The following FAP variants were observed in gnomAD, a reference collection of about 807,000 sequenced individuals.
FAP encodes the protein fibroblast activation protein alpha.
Under a neutral mutation model 126.5 loss-of-function variants are expected in FAP, and 110 were observed. The ratio of observed to expected loss-of-function variants is 0.87; its 90% CI spans 0.74 to 1.02. FAP has a LOEUF of 1.02. Among genes scored for constraint, FAP ranks in the 50% least tolerant of loss-of-function variants. The pLI is 0.00. For missense variants in FAP, 919 were observed against 909.2 expected (o/e 1.01, Z -0.14); for synonymous variants, 334 against 297.3 (o/e 1.12, Z -1.27).
intron 22 of FAP, 88 bp from the exon 23 acceptor site, chr2:162,173,875 C>A: frequency 1.1e-6 from 1 of 902,928 alleles, no homozygotes; most frequent in Non-Finnish European, 1.8e-6. Flanking sequence ...ATAACTGTTT[C>A]TCAATTTTCC....
chr2:162,194,332 GAA>G (rs113792808), intron 17 of FAP, among the ~76,000 whole-genome samples: 50 of 98,464 alleles, frequency 5.1e-4, no homozygotes, highest in African/African-American at 1.5e-3. Context: ...AATCCCTGAG[GAA>G]AAAAAAAAAA....
chr2:162,242,087 AT>A (rs1209823465), intron 2 of FAP, among the ~76,000 whole-genome samples: 2 of 151,942 alleles, frequency 1.3e-5, no homozygotes, highest in African/African-American at 4.8e-5. Flanking sequence ...ATTAGTACAA[AT>A]TTTTCCCCTT....
At chr2:162,229,179 C>T (rs1689788673) in intron 2 of FAP, among the ~76,000 whole-genome samples, 1 of 152,080 alleles carries the variant, frequency 6.6e-6, no homozygotes, top group African/African-American at 2.4e-5. Context: ...TTAATTAAGA[C>T]ATTTATAGCT....
In FAP at chr2:162,188,264, A is replaced by G. The variant is rs752001671; in HGVS notation, c.1719T>C (p.Asp573=). 8.7e-6 allele frequency: 14 copies of G among 1,613,226 alleles called. No individual in the cohort carries two copies. The Middle Eastern group carries it at 1.2e-3, about 133-fold the overall frequency. Residue 573 remains aspartate (D), a synonymous_variant, in exon 20 of 26, where the codon GAT becomes GAC. Coordinates refer to ENST00000188790, the MANE Select transcript of FAP (RefSeq NM_004460.5). ...SKEGMVIALV[D]GRGTAFQGDK... ...CACCTTGGAAAGCTGTTCCTCGACC[A>G]TCCACCAAGGCAATGACCATCCCTT...
chr2:162,200,236 A>G (rs1688442529), intron 15 of FAP, among the ~76,000 whole-genome samples: 1 of 152,218 alleles, frequency 6.6e-6, no homozygotes, highest in Non-Finnish European at 1.5e-5. Flanking sequence ...CCTGGTTCAT[A>G]CTAGGTACTC....
At position 162,189,111 on chromosome 2, in the gene FAP, T is replaced by C. The variant is rs1472295979; in HGVS notation, c.1611A>G (p.Leu537=). The part of the protein sequence containing the change: ...QFDRSKKYPL[L]IQVYGGPCSQ... ...AAGAAAATATTACATACACTTGAAT[T>C]AGCAAGGGATACTTCTTTGATCTGT... is the stretch of plus-strand genomic sequence containing the variant. Residue 537 remains leucine (L), a synonymous_variant, in exon 19 of 26, where the codon CTA becomes CTG. Coordinates refer to ENST00000188790, the MANE Select transcript of FAP (RefSeq NM_004460.5). 1.3e-6 allele frequency: 2 copies of C among 1,589,692 alleles called. No individual in the cohort carries two copies. Among genetic ancestry groups the C allele is most frequent in the Non-Finnish European group, 8.6e-7 (1 of 1,162,258 alleles).
chr2:162,178,265 C>T (rs754095544), intron 21 of FAP, among the ~76,000 whole-genome samples: 1 of 152,312 alleles, frequency 6.6e-6, no homozygotes, highest in South Asian at 2.1e-4. Flanking sequence ...AGAAATGAGG[C>T]TGTTATTCTA....
At chr2:162,226,803 T>C (rs1689673102) in intron 2 of FAP, among the ~76,000 whole-genome samples, 182 bp from the exon 3 acceptor site, 1 of 152,156 alleles carries the variant, frequency 6.6e-6, no homozygotes, top group South Asian at 2.1e-4. Flanking sequence ...TTTTTGTAGA[T>C]ACAGTAATTA....
chr2:162,188,433 G>A (rs1438936630), intron 19 of FAP, 70 bp from the exon 20 acceptor site: 19 of 1,328,114 alleles, frequency 1.4e-5, no homozygotes, highest in Non-Finnish European at 1.9e-5. Context: ...TCCTGGCCAA[G>A]CATTGCTTCT....
chr2:162,183,333 G>A, intron 21 of FAP, 81 bp downstream of exon 21: 3 of 1,059,514 alleles, frequency 2.8e-6, no homozygotes, highest in Middle Eastern at 2.0e-4. Context: ...AACATTTCAT[G>A]AGAAACCTTC....
At position 162,203,040 on chromosome 2, in the gene FAP, C is replaced by A. The variant is rs777856285; in HGVS notation, c.1152+1G>T. The A allele has an allele frequency of 6.2e-7, 1 of 1,609,384 alleles. No homozygotes were observed. The highest frequency in any genetic ancestry group is 8.5e-7 in the Non-Finnish European group (1 of 1,175,812). On this transcript the variant is annotated splice_donor_variant, in intron 13 of 25. Transcript: ENST00000188790. LOFTEE classifies it high-confidence loss of function. Reference sequence around the variant, plus strand: ...GGAGATAAATCTTGGAAGGAACGTACCACAGTGTCTTTGATATAGTGAATA... The same window carrying A: ...GGAGATAAATCTTGGAAGGAACGTAACACAGTGTCTTTGATATAGTGAATA...
At chr2:162,177,221 A>G (rs1385699785) in intron 21 of FAP, among the ~76,000 whole-genome samples, 4 of 152,190 alleles carry the variant, frequency 2.6e-5, no homozygotes, top group Non-Finnish European at 5.9e-5. Flanking sequence ...AATGAGGGAT[A>G]TCTTTAAAAA....
chr2:162,181,101 C>A (rs1008064980), intron 21 of FAP, among the ~76,000 whole-genome samples: 2 of 151,806 alleles, frequency 1.3e-5, no homozygotes, highest in African/African-American at 4.8e-5. Context: ...ATGACAAAAT[C>A]TTGTCTCAAA....
intron 11 of FAP, among the ~76,000 whole-genome samples, chr2:162,212,613 T>G (rs1427014513): frequency 1.3e-5 from 2 of 152,218 alleles, no homozygotes; most frequent in Admixed American, 1.3e-4. Context: ...CAGACTCATA[T>G]GACTTTTTTC....
intron 12 of FAP, chr2:162,209,500 A>G (rs1576170660): frequency 6.5e-6 from 1 of 154,680 alleles, no homozygotes; most frequent in Non-Finnish European, 1.4e-5. Flanking sequence ...AGGAGTATAC[A>G]TACATGAAAT....
Position 162,189,173 on chromosome 2 carries a change from C to A in FAP, c.1550-1G>T. On this transcript the variant is annotated splice_acceptor_variant, in intron 18 of 25. Transcript: ENST00000188790. LOFTEE classifies it high-confidence loss of function. Reference sequence around the variant, plus strand: ...GGAAGAATCATCTTGTACCATAAAGCTTTGAGGAAAAAAAAAGGAGAAAAA... The same window carrying A: ...GGAAGAATCATCTTGTACCATAAAGATTTGAGGAAAAAAAAAGGAGAAAAA... 6.3e-7 allele frequency: 1 copy of A among 1,583,594 alleles called. No individual in the cohort carries two copies. The highest frequency in any genetic ancestry group is 8.6e-7 in the Non-Finnish European group (1 of 1,163,318).
chr2:162,239,900 T>C (rs1318450718), intron 2 of FAP, among the ~76,000 whole-genome samples: 1 of 152,204 alleles, frequency 6.6e-6, no homozygotes, highest in Admixed American at 6.5e-5. Flanking sequence ...ACCTGCAAAA[T>C]TCTGCAACCT....
In FAP at chr2:162,184,249, G is replaced by C. The variant is rs1482107995; in HGVS notation, c.1815-781C>G. 3.9e-5 allele frequency among the ~76,000 whole-genome samples: 6 copies of C among 152,132 alleles called. No individual in the cohort carries two copies. In the East Asian group the frequency reaches 1.2e-3, roughly 29 times the overall value. On this transcript the variant is annotated intron_variant, in intron 20 of 25. Transcript: ENST00000188790. ...GAAAATCTCAGAGAAACAGCAGCCG[G>C]AGTGGAATGTGGCAAACTGGATCAG...
At chr2:162,173,024 A>T (rs1687369544) in intron 24 of FAP, 125 bp downstream of exon 24, 1 of 1,117,820 alleles carries the variant, frequency 8.9e-7, no homozygotes, top group East Asian at 2.4e-5. Flanking sequence ...ACACTCAGAT[A>T]TGGAAATGTC....
Sources: allele counts gnomAD v4.1 joint callset (sites outside exome capture counted in the v4.1 genomes callset), GRCh38; gene constraint gnomAD v4.1.1; transcripts MANE v1.5; gene names NCBI Gene and HGNC (gene_info 2026-07-23, HGNC 2026-07-21).